KCNB2: variants seen among roughly 807,000 people sequenced by gnomAD.
KCNB2 encodes delayed rectifier potassium channel protein.
Under a neutral mutation model 61.5 loss-of-function variants are expected in KCNB2, and 15 were observed. That is an observed-to-expected ratio of 0.24 (90% CI 0.16 to 0.38). The LOEUF (loss-of-function observed/expected upper bound fraction) is 0.38. KCNB2 is among the 10% of genes least tolerant of loss of function. The probability of loss-of-function intolerance (pLI) is 1.00; values close to 1 mark genes in which losing one functional copy is unlikely to be tolerated. For synonymous variants in KCNB2, 457 were observed against 446.0 expected (o/e 1.02, Z -0.31); for missense variants, 828 against 1,125.2 (o/e 0.74, Z 3.78).
intron 2 of KCNB2, among the ~76,000 whole-genome samples, chr8:72,841,920 T>C (rs1372929114): frequency 1.3e-5 from 2 of 152,194 alleles, no homozygotes; most frequent in East Asian, 1.9e-4. Flanking sequence ...ATACGCTTTA[T>C]TTCTTTCACT....
At chr8:72,614,723 C>A (rs1472031870) in intron 2 of KCNB2, among the ~76,000 whole-genome samples, 2 of 152,142 alleles carry the variant, frequency 1.3e-5, no homozygotes, top group East Asian at 3.8e-4. Context: ...CTTTGTCTCC[C>A]TTCCGTTGGT....
rs1442833814 is a variant in KCNB2 at position 72,561,757 on chromosome 8, A to G, written c.-93-5885A>G. Among the ~76,000 whole-genome samples the G allele has an allele frequency of 5.7e-4, 13 of 22,930 alleles. 2 individuals are homozygous for G. The highest frequency in any genetic ancestry group is 3.8e-3 in the African/African-American group (9 of 2,338). The allele number at this position is 22,930 out of a possible 152,430, so 15.0% of individuals were successfully genotyped here. ...TATCTATATATATATGTATATATAT[A>G]TATGGATATATATATATATGGATAT... On this transcript the variant is annotated intron_variant, in intron 1 of 2. Transcript: ENST00000523207.
intron 2 of KCNB2, among the ~76,000 whole-genome samples, chr8:72,691,766 T>C (rs1439822472): frequency 6.6e-6 from 1 of 152,206 alleles, no homozygotes; most frequent in East Asian, 1.9e-4. Context: ...TATTTCTTAC[T>C]GTTTCCTTCT....
At chr8:72,672,683 C>T (rs1475273084) in intron 2 of KCNB2, among the ~76,000 whole-genome samples, 1 of 151,610 alleles carries the variant, frequency 6.6e-6, no homozygotes, top group African/African-American at 2.4e-5. Context: ...CCAAAGTCTT[C>T]TGTTTATTGT....
chr8:72,785,046 T>C (rs1808824990), intron 2 of KCNB2, among the ~76,000 whole-genome samples: 1 of 152,190 alleles, frequency 6.6e-6, no homozygotes, highest in Non-Finnish European at 1.5e-5. Context: ...AAATAACACC[T>C]TTATAATCTA....
intron 2 of KCNB2, among the ~76,000 whole-genome samples, chr8:72,603,793 G>A (rs952466393): frequency 3.3e-5 from 5 of 152,154 alleles, no homozygotes; most frequent in East Asian, 1.9e-4. Flanking sequence ...AAACTTGCTC[G>A]TATCCTTATA....
intron 2 of KCNB2, among the ~76,000 whole-genome samples, chr8:72,882,000 T>A (rs976148958): frequency 1.3e-5 from 2 of 152,220 alleles, no homozygotes; most frequent in African/African-American, 4.8e-5. Flanking sequence ...AATGTACAGT[T>A]CCTTTTTATA....
chr8:72,845,998 A>G (rs927872753), intron 2 of KCNB2, among the ~76,000 whole-genome samples: 12 of 151,322 alleles, frequency 7.9e-5, no homozygotes, highest in Non-Finnish European at 1.5e-5. Flanking sequence ...GAAAAAAAAA[A>G]AAAACTCTGG....
chr8:72,925,550 C>T (rs759834767), intron 2 of KCNB2, among the ~76,000 whole-genome samples: 2 of 152,232 alleles, frequency 1.3e-5, no homozygotes, highest in Non-Finnish European at 1.5e-5. Context: ...GAAAGCTCAA[C>T]GTCACTGATC....
At chr8:72,717,707 A>T (rs1807469977) in intron 2 of KCNB2, among the ~76,000 whole-genome samples, 6 of 152,050 alleles carry the variant, frequency 3.9e-5, no homozygotes, top group Admixed American at 3.9e-4. Context: ...AACCATAAAA[A>T]CCCTAGAAGA....
At chr8:72,579,332 A>G (rs933182219) in intron 2 of KCNB2, among the ~76,000 whole-genome samples, 2 of 152,158 alleles carry the variant, frequency 1.3e-5, no homozygotes, top group African/African-American at 2.4e-5. Flanking sequence ...GTTGATGTCT[A>G]CTTAAATTTT....
intron 2 of KCNB2, among the ~76,000 whole-genome samples, chr8:72,706,859 C>A (rs1000501340): frequency 6.6e-6 from 1 of 152,208 alleles, no homozygotes; most frequent in African/African-American, 2.4e-5. Flanking sequence ...TTAACCTACC[C>A]ACAGTCCCAG....
chr8:72,737,360 G>T (rs923647945), intron 2 of KCNB2, among the ~76,000 whole-genome samples: 1 of 152,162 alleles, frequency 6.6e-6, no homozygotes, highest in Non-Finnish European at 1.5e-5. Context: ...TTGATAGCCT[G>T]TTCTGATTAA....
chr8:72,651,858 G>A (rs1180892118), intron 2 of KCNB2, among the ~76,000 whole-genome samples: 2 of 151,876 alleles, frequency 1.3e-5, no homozygotes, highest in Non-Finnish European at 2.9e-5. Flanking sequence ...CTCTTTATTT[G>A]AATGTTTAAT....
intron 2 of KCNB2, among the ~76,000 whole-genome samples, chr8:72,798,356 C>T (rs948370207): frequency 2.0e-5 from 3 of 152,110 alleles, no homozygotes; most frequent in African/African-American, 4.8e-5. Flanking sequence ...TGCCCTGACA[C>T]GCCTACTGGA....
At chr8:72,794,461 A>T (rs546686728) in intron 2 of KCNB2, among the ~76,000 whole-genome samples, 73 of 142,938 alleles carry the variant, frequency 5.1e-4, no homozygotes, top group Middle Eastern at 8.3e-3. Flanking sequence ...GCTACTTGGG[A>T]GGGTGAGGCA....
intron 2 of KCNB2, among the ~76,000 whole-genome samples, chr8:72,882,653 C>A (rs1805736274): frequency 1.3e-5 from 2 of 151,608 alleles, no homozygotes; most frequent in Non-Finnish European, 2.9e-5. Flanking sequence ...CTGGTGCTTT[C>A]TCTGCCAGAG....
At chr8:72,649,955 T>G (rs915050968) in intron 2 of KCNB2, among the ~76,000 whole-genome samples, 6 of 152,134 alleles carry the variant, frequency 3.9e-5, no homozygotes, top group African/African-American at 1.4e-4. Flanking sequence ...AATTAGCTGG[T>G]AATAATGCAG....
At chr8:72,678,731 A>G (rs1179359994) in intron 2 of KCNB2, among the ~76,000 whole-genome samples, 1 of 152,232 alleles carries the variant, frequency 6.6e-6, no homozygotes, top group East Asian at 1.9e-4. Flanking sequence ...GGCCATTTAG[A>G]ACAGATCCTG....
Sources: gnomAD v4.1 joint callset for allele counts (sites outside exome capture counted in the v4.1 genomes callset) on GRCh38, gnomAD v4.1.1 for gene constraint, MANE v1.5 for transcripts, NCBI Gene and HGNC (gene_info 2026-07-23, HGNC 2026-07-21) for gene names.